MYT1L: variants seen among roughly 807,000 people sequenced by gnomAD.
MYT1L encodes myelin transcription factor 1-like protein.
MYT1L carries 12 observed loss-of-function variants against 126.7 expected under a neutral mutation model. The ratio of observed to expected loss-of-function variants is 0.09; its 90% CI spans 0.06 to 0.15. MYT1L has a LOEUF of 0.15. MYT1L is among the 10% of genes least tolerant of loss of function. The probability of loss-of-function intolerance (pLI) is 1.00; values close to 1 mark genes in which losing one functional copy is unlikely to be tolerated. For missense variants in MYT1L, 979 were observed against 1,585.2 expected, an observed-to-expected ratio of 0.62 and a Z score of 6.49; for synonymous variants, 541 against 604.2, an observed-to-expected ratio of 0.90 and a Z score of 1.53.
intron 3 of MYT1L, among the ~76,000 whole-genome samples, chr2:2,134,076 T>C (rs1255864700): frequency 6.6e-6 from 1 of 152,070 alleles, no homozygotes; most frequent in African/African-American, 2.4e-5. Flanking sequence ...CAAACACAAT[T>C]CAACGTTTCC....
chr2:2,022,734 TG>T (rs2065159726), intron 4 of MYT1L, among the ~76,000 whole-genome samples: 1 of 151,574 alleles, frequency 6.6e-6, no homozygotes, highest in Non-Finnish European at 1.5e-5. Flanking sequence ...ACACAATATG[TG>T]GGTGCACAAT....
intron 3 of MYT1L, among the ~76,000 whole-genome samples, chr2:2,064,634 G>C (rs1264495569): frequency 6.6e-6 from 1 of 152,076 alleles, no homozygotes; most frequent in Non-Finnish European, 1.5e-5. Context: ...TTCTGAATTA[G>C]AAACAATATA....
At chr2:2,041,064 A>T (rs1399437579) in intron 4 of MYT1L, among the ~76,000 whole-genome samples, 1 of 152,248 alleles carries the variant, frequency 6.6e-6, no homozygotes. Flanking sequence ...GTGTTTACGT[A>T]AAATTGCAAA....
intron 4 of MYT1L, among the ~76,000 whole-genome samples, chr2:2,045,319 C>T (rs554705056): frequency 6.6e-6 from 1 of 152,296 alleles, no homozygotes; most frequent in Non-Finnish European, 1.5e-5. Context: ...TGCTGCACTG[C>T]GATTGATTTT....
rs13004540 is a variant in MYT1L, at chr2:1,889,730, C to G, written c.2284-253G>C. ...TCCCGCCATCCCTCTCTCCCTCCCT[C>G]CCTCCATTTCCCTATTTATCTACTG... On this transcript the variant is annotated intron_variant, in intron 15 of 24. Transcript: ENST00000647738. The surrounding 1 kb of genome is among the most constrained non-coding windows in gnomAD (Gnocchi z 4.1). 6.6e-6 allele frequency among the ~76,000 whole-genome samples: 1 copy of G among 152,142 alleles called. No homozygotes were observed. The highest frequency in any genetic ancestry group is 1.5e-5 in the Non-Finnish European group (1 of 68,028).
At chr2:2,217,765 A>G (rs2093733615) in intron 2 of MYT1L, among the ~76,000 whole-genome samples, 1 of 151,754 alleles carries the variant, frequency 6.6e-6, no homozygotes, top group East Asian at 1.9e-4. Flanking sequence ...ATCCACATTA[A>G]TAGACTCTGA....
intron 4 of MYT1L, among the ~76,000 whole-genome samples, chr2:2,004,097 GCC>G: frequency 6.6e-6 from 1 of 150,608 alleles, no homozygotes; most frequent in Non-Finnish European, 1.5e-5. Context: ...TTTCCTGCGT[GCC>G]TTCTTTCCTG....
At chr2:1,890,855 G>A (rs1014144137) in intron 15 of MYT1L, among the ~76,000 whole-genome samples, 1 of 152,112 alleles carries the variant, frequency 6.6e-6, no homozygotes, top group African/African-American at 2.4e-5. Flanking sequence ...AAATTATACA[G>A]TATCATTCTG....
chr2:2,139,936 C>G (rs567893212), intron 3 of MYT1L, among the ~76,000 whole-genome samples: 1 of 152,228 alleles, frequency 6.6e-6, no homozygotes, highest in African/African-American at 2.4e-5. Flanking sequence ...AATGGCATTT[C>G]AGATTGGGGA....
At chr2:1,980,280 T>C (rs557628624) in intron 5 of MYT1L, among the ~76,000 whole-genome samples, 28 of 147,284 alleles carry the variant, frequency 1.9e-4, no homozygotes, top group Non-Finnish European at 3.4e-4. Context: ...AAATATTATA[T>C]ATACATTATA....
At chr2:2,183,981 G>A (rs1572232497) in intron 2 of MYT1L, among the ~76,000 whole-genome samples, 1 of 147,820 alleles carries the variant, frequency 6.8e-6, no homozygotes, top group Admixed American at 6.8e-5. Flanking sequence ...GAGAAAGAAA[G>A]AGAGAGAGAA....
intron 8 of MYT1L, among the ~76,000 whole-genome samples, chr2:1,978,758 GAC>G (rs1024700707): frequency 1.3e-4 from 20 of 152,152 alleles, no homozygotes; most frequent in African/African-American, 4.8e-4. Context: ...GGAGTCTACA[GAC>G]AGGTCAGCAG....
chr2:2,010,961 G>T (rs753029808), intron 4 of MYT1L, among the ~76,000 whole-genome samples: 3 of 152,090 alleles, frequency 2.0e-5, no homozygotes, highest in Non-Finnish European at 4.4e-5. Context: ...ATGCAAACAG[G>T]GGTACTCATT....
Position 2,081,231 on chromosome 2 carries a change from G to A in MYT1L, c.-303-27108C>T, listed in dbSNP as rs540183973. On this transcript the variant is annotated intron_variant, in intron 3 of 24. Coordinates refer to ENST00000647738, the MANE Select transcript of MYT1L (RefSeq NM_001303052.2). Reference sequence around the variant, plus strand: ...AGAGACAGCAAAGGGAAAACAGGCCGTCTCTCCTGTTCTGTAGAGAGAGCA... The same window carrying A: ...AGAGACAGCAAAGGGAAAACAGGCCATCTCTCCTGTTCTGTAGAGAGAGCA... 5.2e-4 allele frequency among the ~76,000 whole-genome samples: 79 copies of A among 152,308 alleles called. 1 individual carries two copies. The South Asian group carries it at 0.011, about 22-fold the overall frequency.
At chr2:1,886,109 T>G (rs1396163775) in intron 18 of MYT1L, 1 of 153,736 alleles carries the variant, frequency 6.5e-6, no homozygotes, top group African/African-American at 2.4e-5. Context: ...TTTAAGAAAT[T>G]AGCTATTATG....
intron 5 of MYT1L, among the ~76,000 whole-genome samples, chr2:1,995,180 G>T (rs2061729534): frequency 6.6e-6 from 1 of 151,672 alleles, no homozygotes; most frequent in Admixed American, 6.6e-5. Context: ...TTTATCATCT[G>T]CACGAACTAT....
chr2:2,189,970 GCA>G (rs909021907), intron 2 of MYT1L, among the ~76,000 whole-genome samples: 42 of 152,236 alleles, frequency 2.8e-4, no homozygotes, highest in African/African-American at 1.0e-3. Context: ...TTCTTTGTGT[GCA>G]CACACCGAGC....
chr2:2,011,396 C>A (rs1201262147), intron 4 of MYT1L, among the ~76,000 whole-genome samples: 1 of 149,290 alleles, frequency 6.7e-6, no homozygotes. Flanking sequence ...GAGCAAGACT[C>A]CATCTCAGAA....
At chr2:2,027,749 G>C (rs2065799566) in intron 4 of MYT1L, among the ~76,000 whole-genome samples, 1 of 152,136 alleles carries the variant, frequency 6.6e-6, no homozygotes. Flanking sequence ...GGGCCACCTG[G>C]GTGACATCTC....
Sources: allele counts gnomAD v4.1 joint callset (sites outside exome capture counted in the v4.1 genomes callset), GRCh38; gene constraint gnomAD v4.1.1; non-coding constraint Gnocchi (gnomAD v3.1); transcripts MANE v1.5; gene names NCBI Gene and HGNC (gene_info 2026-07-23, HGNC 2026-07-21).